The following TTPAL variants were observed in gnomAD, a reference collection of about 807,000 sequenced individuals.
TTPAL encodes the protein alpha tocopherol transfer protein like, also known as alpha-tocopherol transfer protein-like.
A neutral mutation model predicts 28.7 loss-of-function variants in TTPAL; 21 were observed. The ratio of observed to expected loss-of-function variants is 0.73; its 90% CI spans 0.52 to 1.06. The LOEUF is 1.06. Ranked by LOEUF, TTPAL falls within the 50% of genes least tolerant of loss-of-function variation. The pLI, the probability that TTPAL is intolerant of heterozygous loss-of-function variation, is 0.00. For missense variants in TTPAL, 345 were observed against 425.5 expected, an observed-to-expected ratio of 0.81 and a Z score of 1.67; for synonymous variants, 169 against 171.9, an observed-to-expected ratio of 0.98 and a Z score of 0.13.
At position 44,480,320 on chromosome 20, in the gene TTPAL, A is replaced by G. The variant is rs568599941; in HGVS notation, c.321A>G (p.Arg107=). Residue 107 remains arginine (R), a synonymous_variant, in exon 2 of 5, where the codon AGA becomes AGG. Coordinates refer to ENST00000262605, the MANE Select transcript of TTPAL (RefSeq NM_001039199.3). This position sits in a 1 kb window ranked among gnomAD's most constrained non-coding sequence, Gnocchi z 4.1. ...QLLVNYHSCR[R]SWPEVFNNLK... ...TCGTCAACTACCACAGCTGTAGAAG[A>G]AGCTGGCCCGAAGTCTTCAATAACT... 41 of 1,614,150 alleles carry G rather than the reference A, an allele frequency of 2.5e-5. No homozygotes were observed. The highest frequency in any genetic ancestry group is 3.2e-5 in the Non-Finnish European group (38 of 1,180,032).
chr20:44,480,528 C>T lies in TTPAL; in HGVS notation c.445+84C>T. The T allele has an allele frequency of 3.9e-6, 5 of 1,296,934 alleles. No individual in the cohort carries two copies. The highest frequency in any genetic ancestry group is 5.3e-6 in the Non-Finnish European group (5 of 948,074). The allele number at this position is 1,296,934 out of a possible 1,614,324, so 80.3% of individuals were successfully genotyped here. A position where few individuals can be genotyped will look rare whatever the true frequency, so the allele number is the denominator to read the frequency against. The stretch of plus-strand genomic sequence containing the variant: ...CAGCACCCTGTCCTCCTTTCCAAGT[C>T]CCTTTTTTACCCCTCCTTTGTTATA... On this transcript the variant is annotated intron_variant, in intron 2 of 4. Coordinates refer to ENST00000262605, the MANE Select transcript of TTPAL (RefSeq NM_001039199.3). This position sits in a 1 kb window ranked among gnomAD's most constrained non-coding sequence, Gnocchi z 4.1.
At position 44,489,682 on chromosome 20, in the gene TTPAL, T is replaced by C. The variant is rs879285781; in HGVS notation, c.*141T>C. On this transcript the variant is annotated 3_prime_UTR_variant, in exon 5 of 5. Transcript: ENST00000262605. ...GGAGGAACAGCCTGAGATATGAGCA[T>C]GAGCCCATTTTGGGGTAAGCCTTTG... The C allele has an allele frequency of 5.8e-5, 54 of 928,880 alleles. No homozygotes were observed. Among genetic ancestry groups the C allele is most frequent in the Non-Finnish European group, 8.2e-5 (52 of 637,964 alleles). 57.5% of individuals were successfully genotyped at this position (928,880 alleles called of 1,614,324 possible). A position where few individuals can be genotyped will look rare whatever the true frequency, so the allele number is the denominator to read the frequency against.
rs1011627949 is a variant in TTPAL at position 44,491,151 on chromosome 20, G to A, written c.*1610G>A. 6.7e-6 allele frequency: 1 copy of A among 150,240 alleles called. No individual in the cohort carries two copies. Among genetic ancestry groups the A allele is most frequent in the Non-Finnish European group, 1.5e-5 (1 of 67,626 alleles). The allele number at this position is 150,240 out of a possible 1,614,324, so 9.3% of individuals were successfully genotyped here. ...GAACACAAGGGCAGGTTATTCCTGG[G>A]TCACTTCTGGGCCCCCCTGCCCTCC... On this transcript the variant is annotated 3_prime_UTR_variant, in exon 5 of 5. Coordinates refer to ENST00000262605, the MANE Select transcript of TTPAL (RefSeq NM_001039199.3).
chr20:44,477,667 T>TTATC (rs1194574991), intron 1 of TTPAL, among the ~76,000 whole-genome samples: 4 of 152,008 alleles, frequency 2.6e-5, no homozygotes, highest in East Asian at 1.9e-4. Context: ...ATTTATTTAT[T>TTATC]TATCTGAGAT....
Position 44,480,634 on chromosome 20 carries a change from CAGGA to C in TTPAL, c.445+191_445+194del. On this transcript the variant is annotated intron_variant, in intron 2 of 4. Transcript: ENST00000262605. The surrounding 1 kb of genome is among the most constrained non-coding windows in gnomAD (Gnocchi z 4.1). ...AAAGGGAGGATTTAGTCGAAGGAGA[CAGGA>C]GTCCCTCCCAGAACCAGAGAGCTGA... Among the ~76,000 whole-genome samples, 1 of 152,170 alleles carries C rather than the reference CAGGA, an allele frequency of 6.6e-6. No homozygotes were observed. The highest frequency in any genetic ancestry group is 1.5e-5 in the Non-Finnish European group (1 of 68,034).
In TTPAL at chr20:44,492,002, G is replaced by C. The variant is rs1029435520; in HGVS notation, c.*2461G>C. 7.9e-5 allele frequency: 12 copies of C among 152,362 alleles called. No individual in the cohort carries two copies. The highest frequency in any genetic ancestry group is 2.7e-4 in the African/African-American group (11 of 41,450). 9.4% of individuals were successfully genotyped at this position (152,362 alleles called of 1,614,324 possible). ...TTCTTAGGTTTTTCCAGTTGGACAAGGAAGGAGTGGTTTCACTCAGCTTCT... is the reference window on the plus strand; with the variant it reads ...TTCTTAGGTTTTTCCAGTTGGACAACGAAGGAGTGGTTTCACTCAGCTTCT... On this transcript the variant is annotated 3_prime_UTR_variant, in exon 5 of 5. Coordinates refer to ENST00000262605, the MANE Select transcript of TTPAL (RefSeq NM_001039199.3).
intron 4 of TTPAL, among the ~76,000 whole-genome samples, chr20:44,489,016 T>C (rs1471157590): frequency 6.6e-6 from 1 of 152,070 alleles, no homozygotes; most frequent in Non-Finnish European, 1.5e-5. Context: ...ATTAATTGAA[T>C]AGTGTGGTGG....
intron 1 of TTPAL, among the ~76,000 whole-genome samples, chr20:44,476,260 C>G (rs1276582526): frequency 6.6e-6 from 1 of 152,068 alleles, no homozygotes; most frequent in Non-Finnish European, 1.5e-5. Context: ...AGGATGGGCT[C>G]CAGGTGGGGG....
intron 2 of TTPAL, among the ~76,000 whole-genome samples, chr20:44,482,572 CAAA>C (rs535832796): frequency 1.2e-4 from 7 of 60,766 alleles, no homozygotes; most frequent in Non-Finnish European, 6.8e-5. Flanking sequence ...GACTCTGTCT[CAAA>C]AAAAAAAAAA....
chr20:44,479,860 C>A, intron 1 of TTPAL, 125 bp from the exon 2 acceptor site: 1 of 784,838 alleles, frequency 1.3e-6, no homozygotes, highest in Non-Finnish European at 2.0e-6. Context: ...TCATTGCCCC[C>A]AGTTGAGAAA....
At chr20:44,481,232 G>C (rs1038823393) in intron 2 of TTPAL, among the ~76,000 whole-genome samples, 3 of 152,052 alleles carry the variant, frequency 2.0e-5, no homozygotes, top group Non-Finnish European at 2.9e-5. Context: ...GGGGCTCCCT[G>C]CCACTAAAAG....
chr20:44,481,238 A>G (rs2064102308), intron 2 of TTPAL, among the ~76,000 whole-genome samples: 1 of 152,146 alleles, frequency 6.6e-6, no homozygotes, highest in Non-Finnish European at 1.5e-5. Flanking sequence ...CCCTGCCACT[A>G]AAAGAGCATT....
rs1391349010 is a variant in TTPAL, at chr20:44,490,034, C to G, written c.*493C>G. 2 of 160,918 alleles carry G rather than the reference C, an allele frequency of 1.2e-5. No individual in the cohort carries two copies. Among genetic ancestry groups the G allele is most frequent in the Non-Finnish European group, 2.8e-5 (2 of 72,552 alleles). 10.0% of individuals were successfully genotyped at this position (160,918 alleles called of 1,614,324 possible). A position where few individuals can be genotyped will look rare whatever the true frequency, so the allele number is the denominator to read the frequency against. ...CAGGAACCCTAAGTATAGACCTCTG[C>G]TGCTCATCAGGAAACTTACTGGAGA... On this transcript the variant is annotated 3_prime_UTR_variant, in exon 5 of 5. Coordinates refer to ENST00000262605, the MANE Select transcript of TTPAL (RefSeq NM_001039199.3).
intron 1 of TTPAL, among the ~76,000 whole-genome samples, chr20:44,479,407 T>TTTC (rs1568767074): frequency 1.2e-5 from 1 of 82,504 alleles, no homozygotes; most frequent in Non-Finnish European, 2.3e-5. Context: ...TTGTTTTTTT[T>TTTC]TTTTTTTTTT....
chr20:44,480,382 G>C lies in TTPAL; in HGVS notation c.383G>C (p.Gly128Ala), dbSNP rs2064092788. Residue 128 changes from glycine to alanine, a missense_variant, in exon 2 of 5, where the codon GGG becomes GCG. By Grantham distance (60) the Gly-to-Ala change is moderately conservative. Transcript: ENST00000262605. The surrounding 1 kb of genome is among the most constrained non-coding windows in gnomAD (Gnocchi z 4.1). ...PSALKDVLAS[G>A]FLTVLPHTDP... is the part of the protein sequence containing the mutation. ...GCCTTAAAAGATGTCCTTGCTTCCG[G>C]GTTCCTCACCGTGCTGCCCCACACT... The C allele has an allele frequency of 6.2e-7, 1 of 1,613,972 alleles. No individual in the cohort carries two copies. The highest frequency in any genetic ancestry group is 1.7e-5 in the Admixed American group (1 of 59,998).
Position 44,491,493 on chromosome 20 carries a change from TTATCTC to T in TTPAL, c.*1956_*1961del, listed in dbSNP as rs1274205229. The T allele has an allele frequency of 1.3e-5, 2 of 152,348 alleles. No individual in the cohort carries two copies. The highest frequency in any genetic ancestry group is 4.8e-5 in the African/African-American group (2 of 41,442). 9.4% of individuals were successfully genotyped at this position (152,348 alleles called of 1,614,324 possible). ...GGCCAATCTGTTGTTACTAAGCTGT[TTATCTC>T]TATTGCCTTTTTAAATGTCTGGATA... On this transcript the variant is annotated 3_prime_UTR_variant, in exon 5 of 5. Transcript: ENST00000262605.
Position 44,489,497 on chromosome 20 carries a change from G to A in TTPAL, c.985G>A (p.Asp329Asn), listed in dbSNP as rs768662783. ...EGLTSDAQCD[D>N]SLRAVKSQLY... ...CCTGACCTCAGATGCACAGTGTGAC[G>A]ACTCCTTGCGAGCTGTGAAGTCACA... The change falls in exon 5 of 5, where the codon GAC becomes AAC. Residue 329 changes from aspartate (D) to asparagine (N), a missense_variant. Coordinates refer to ENST00000262605, the MANE Select transcript of TTPAL (RefSeq NM_001039199.3). The A allele has an allele frequency of 4.3e-6, 7 of 1,614,210 alleles. No homozygotes were observed. Among genetic ancestry groups the A allele is most frequent in the South Asian group, 2.2e-5 (2 of 91,074 alleles).
At chr20:44,485,116 AAAAC>A (rs1175007498) in intron 3 of TTPAL, among the ~76,000 whole-genome samples, 8 of 152,302 alleles carry the variant, frequency 5.3e-5, no homozygotes, top group Middle Eastern at 3.4e-3. Flanking sequence ...TCTGTCTCAG[AAAAC>A]AAACAAACAA....
In TTPAL at chr20:44,489,671, A is replaced by G; in HGVS notation, c.*130A>G. 9.5e-7 allele frequency: 1 copy of G among 1,049,624 alleles called. No homozygotes were observed. Among genetic ancestry groups the G allele is most frequent in the South Asian group, 1.7e-5 (1 of 59,160 alleles). 65.0% of individuals were successfully genotyped at this position (1,049,624 alleles called of 1,614,324 possible). A position where few individuals can be genotyped will look rare whatever the true frequency, so the allele number is the denominator to read the frequency against. ...AACTGCAGGATGGAGGAACAGCCTG[A>G]GATATGAGCATGAGCCCATTTTGGG... On this transcript the variant is annotated 3_prime_UTR_variant, in exon 5 of 5. Coordinates refer to ENST00000262605, the MANE Select transcript of TTPAL (RefSeq NM_001039199.3).
Sources: gnomAD v4.1 joint callset for allele counts (sites outside exome capture counted in the v4.1 genomes callset) on GRCh38, gnomAD v4.1.1 for gene constraint, Gnocchi (gnomAD v3.1) non-coding constraint, MANE v1.5 for transcripts, NCBI Gene and HGNC (gene_info 2026-07-23, HGNC 2026-07-21) for gene names.